Variants in PCDHA8 observed in about 807,000 individuals in gnomAD.
The protein encoded by PCDHA8 is protocadherin alpha-8.
Under a neutral mutation model 61.8 loss-of-function variants are expected in PCDHA8, and 53 were observed. That is an observed-to-expected ratio of 0.86 (90% CI 0.69 to 1.08). The LOEUF (loss-of-function observed/expected upper bound fraction) is 1.08, where lower values mean the gene tolerates loss of function less well. Ranked by LOEUF, PCDHA8 falls within the 50% of genes least tolerant of loss-of-function variation. PCDHA8 has a pLI of 0.00. For missense variants in PCDHA8, 1,293 were observed against 1,245.0 expected, an observed-to-expected ratio of 1.04 and a Z score of -0.58; for synonymous variants, 618 against 556.6, an observed-to-expected ratio of 1.11 and a Z score of -1.55.
intron 1 of PCDHA8, among the ~76,000 whole-genome samples, chr5:140,959,108 C>T (rs1299073504): frequency 1.3e-5 from 2 of 151,918 alleles, no homozygotes; most frequent in East Asian, 3.9e-4. Flanking sequence ...AGCAGGGGTC[C>T]GAAGGTGGGC....
chr5:140,901,493 G>A (rs1407022584), intron 1 of PCDHA8, among the ~76,000 whole-genome samples: 7 of 152,016 alleles, frequency 4.6e-5, no homozygotes, highest in Admixed American at 3.9e-4. Flanking sequence ...CACCTTCATC[G>A]AAAATGAGTT....
intron 1 of PCDHA8, chr5:140,882,740 T>A (rs1554175394): frequency 6.2e-7 from 1 of 1,614,198 alleles, no homozygotes; most frequent in African/African-American, 1.3e-5. Flanking sequence ...AGATGGCGCA[T>A]CCGATGCAGA....
chr5:140,977,925 A>T (rs782072280), intron 1 of PCDHA8, among the ~76,000 whole-genome samples: 4 of 152,152 alleles, frequency 2.6e-5, no homozygotes, highest in African/African-American at 7.2e-5. Context: ...TTTTCATTCA[A>T]CTATACCTCA....
rs374162485 is a variant in PCDHA8 at position 140,856,517 on chromosome 5, T to A, written c.2394+12802T>A. 8 of 1,598,368 alleles carry A rather than the reference T, an allele frequency of 5.0e-6. 1 individual carries two copies. Among genetic ancestry groups the A allele is most frequent in the Non-Finnish European group, 6.0e-6 (7 of 1,167,940 alleles). On this transcript the variant is annotated intron_variant, in intron 1 of 3. Coordinates refer to ENST00000531613, the MANE Select transcript of PCDHA8 (RefSeq NM_018911.3). ...CTCTCGATTTCCACTAGAAGGCGCA[T>A]CTGATGCGGATGTTGGAGAGAACGC...
intron 1 of PCDHA8, chr5:140,968,814 G>A: frequency 1.5e-5 from 24 of 1,614,232 alleles, no homozygotes; most frequent in Non-Finnish European, 1.9e-5. Context: ...GTGGTGGATA[G>A]GGTTTCCAAA....
At position 140,883,249 on chromosome 5, in the gene PCDHA8, T is replaced by A. The variant is rs145815075; in HGVS notation, c.2394+39534T>A. On this transcript the variant is annotated intron_variant, in intron 1 of 3. Transcript: ENST00000531613. ...CCGTGGAGGCAGTTGACAAAGGAAA[T>A]ATTCCAATGGCGGGTCATTGTACCC... The A allele has an allele frequency of 5.1e-4, 830 of 1,613,870 alleles. 7 individuals carry two copies. In the African/African-American group the frequency reaches 9.0e-3, roughly 18 times the overall value.
intron 1 of PCDHA8, among the ~76,000 whole-genome samples, chr5:140,844,211 T>G (rs1162021656): frequency 2.0e-5 from 3 of 149,836 alleles, no homozygotes; most frequent in Admixed American, 6.7e-5. Context: ...TGTCTGGTAG[T>G]CACAAATATC....
Position 140,842,727 on chromosome 5 carries a change from C to G in PCDHA8, c.1406C>G (p.Pro469Arg), listed in dbSNP as rs1554139317. 6.3e-7 allele frequency: 1 copy of G among 1,594,926 alleles called. No homozygotes were observed. The highest frequency in any genetic ancestry group is 2.2e-5 in the East Asian group (1 of 44,836). ...EYTVFVKENN[P>R]PGCHIFTVSA... is the part of the protein sequence containing the mutation. ...ACGGTGTTCGTGAAGGAGAACAACCCGCCGGGCTGCCACATCTTCACGGTG... is the reference window on the plus strand; with the variant it reads ...ACGGTGTTCGTGAAGGAGAACAACCGGCCGGGCTGCCACATCTTCACGGTG... The change falls in exon 1 of 4, where the codon CCG becomes CGG. Residue 469 changes from proline to arginine, a missense_variant. Transcript: ENST00000531613.
At chr5:140,907,873 CACTCA>C (rs2073658134) in intron 1 of PCDHA8, among the ~76,000 whole-genome samples, 1 of 152,226 alleles carries the variant, frequency 6.6e-6, no homozygotes, top group Non-Finnish European at 1.5e-5. Context: ...CGTTGGTGAG[CACTCA>C]CATGGGATAC....
chr5:140,921,932 T>C (rs1249285993), intron 1 of PCDHA8, among the ~76,000 whole-genome samples: 1 of 152,080 alleles, frequency 6.6e-6, no homozygotes, highest in Non-Finnish European at 1.5e-5. Context: ...ATAGTCAATA[T>C]AATTTTACAC....
chr5:140,872,354 A>G (rs2053612951), intron 1 of PCDHA8, among the ~76,000 whole-genome samples: 1 of 152,138 alleles, frequency 6.6e-6, no homozygotes, highest in Non-Finnish European at 1.5e-5. Context: ...TTGCCAGGCA[A>G]AGTGGTTCAG....
chr5:140,980,229 T>C (rs2096881022), intron 2 of PCDHA8, among the ~76,000 whole-genome samples: 1 of 152,232 alleles, frequency 6.6e-6, no homozygotes, highest in South Asian at 2.1e-4. Flanking sequence ...TCTGAGCTGT[T>C]GGTGGAGACA....
At chr5:140,848,361 A>G in intron 1 of PCDHA8, 1 of 1,069,062 alleles carries the variant, frequency 9.4e-7, no homozygotes, top group East Asian at 2.4e-5. Context: ...TTCCCATGGG[A>G]AAGAGGCTCA....
chr5:140,851,823 GT>G, intron 1 of PCDHA8: 1 of 963,106 alleles, frequency 1.0e-6, no homozygotes, highest in Non-Finnish European at 1.3e-6. Context: ...ACAGAAATCT[GT>G]TTTTTTAAAA....
At chr5:140,845,315 ATTACT>A (rs1156413358) in intron 1 of PCDHA8, among the ~76,000 whole-genome samples, 1 of 149,596 alleles carries the variant, frequency 6.7e-6, no homozygotes, top group Non-Finnish European at 1.5e-5. Context: ...GTTCTCAGGT[ATTACT>A]TTAATTACTG....
chr5:140,869,465 T>G (rs1291817814), intron 1 of PCDHA8: 7 of 1,614,026 alleles, frequency 4.3e-6, no homozygotes, highest in Non-Finnish European at 5.9e-6. Context: ...CATGTGAACG[T>G]GGAGGTGAAG....
rs1350835757 is a variant in PCDHA8, at chr5:141,010,856, A to G, written c.*919A>G. Reference sequence around the variant, plus strand: ...CATAGATTTATTTAAAAAAAGAGAAAGTCTATAGCTATAAATCTTTAAAGA... The same window carrying G: ...CATAGATTTATTTAAAAAAAGAGAAGGTCTATAGCTATAAATCTTTAAAGA... On this transcript the variant is annotated 3_prime_UTR_variant, in exon 4 of 4. Coordinates refer to ENST00000531613, the MANE Select transcript of PCDHA8 (RefSeq NM_018911.3). The G allele has an allele frequency of 1.3e-5, 2 of 153,800 alleles. No homozygotes were observed. Among genetic ancestry groups the G allele is most frequent in the African/African-American group, 2.4e-5 (1 of 41,464 alleles). The allele number at this position is 153,800 out of a possible 1,614,324, so 9.5% of individuals were successfully genotyped here. A position where few individuals can be genotyped will look rare whatever the true frequency, so the allele number is the denominator to read the frequency against.
At chr5:140,968,324 T>C (rs781875050) in intron 1 of PCDHA8, 15 of 1,613,972 alleles carry the variant, frequency 9.3e-6, no homozygotes. Context: ...GCCAGTCACC[T>C]CCTATGTCTC....
intron 1 of PCDHA8, among the ~76,000 whole-genome samples, chr5:140,846,515 C>T (rs2150391789): frequency 6.8e-6 from 1 of 147,842 alleles, no homozygotes; most frequent in Non-Finnish European, 1.5e-5. Flanking sequence ...GCTGGGATTA[C>T]AGGTGCATGC....
Sources: gnomAD v4.1 joint callset for allele counts (sites outside exome capture counted in the v4.1 genomes callset) on GRCh38, gnomAD v4.1.1 for gene constraint, MANE v1.5 for transcripts, NCBI Gene and HGNC (gene_info 2026-07-23, HGNC 2026-07-21) for gene names.